NCEH1: variants seen among roughly 807,000 people sequenced by gnomAD.
The protein encoded by NCEH1 is neutral cholesterol ester hydrolase 1, also known as 2-acetyl MAGE hydrolase.
NCEH1 carries 9 observed loss-of-function variants against 25.4 expected under a neutral mutation model. The observed-to-expected ratio is 0.35, with a 90% CI of 0.21 to 0.62. The LOEUF is 0.62. Ranked by LOEUF, NCEH1 falls within the 20% of genes least tolerant of loss-of-function variation. NCEH1 has a pLI of 0.72. For synonymous variants in NCEH1, 200 were observed against 199.8 expected (o/e 1.00, Z -0.01); for missense variants, 412 against 501.1 (o/e 0.82, Z 1.70).
chr3:172,679,851 CATAGTGAA>C (rs1246649970), intron 1 of NCEH1, among the ~76,000 whole-genome samples: 1 of 152,080 alleles, frequency 6.6e-6, no homozygotes, highest in Non-Finnish European at 1.5e-5. Context: ...GTTCAAACAT[CATAGTGAA>C]CCACCTTTGC....
In NCEH1 at chr3:172,671,265, T is replaced by C. The variant is rs561062292; in HGVS notation, c.139-23151A>G. On this transcript the variant is annotated intron_variant, in intron 1 of 4. Transcript: ENST00000475381. ...AGTAGGATTTCGTTAACTCAAAGAA[T>C]TTTATGGAGATGGAAAGATCAGTTG... is the stretch of plus-strand genomic sequence containing the variant. Among the ~76,000 whole-genome samples the C allele has an allele frequency of 2.0e-5, 3 of 152,298 alleles. No individual in the cohort carries two copies. The South Asian group carries it at 6.2e-4, about 32-fold the overall frequency.
Position 172,668,348 on chromosome 3 carries a change from A to ATTTTTTT in NCEH1, c.139-20241_139-20235dup, listed in dbSNP as rs1200625132. Reference sequence around the variant, plus strand: ...TCAGGAAACAAATGGAAAAGGAAGCATTTTTTTTTTTTTTTTTTTTTTTTT... The same window carrying ATTTTTTT: ...TCAGGAAACAAATGGAAAAGGAAGCATTTTTTTTTTTTTTTTTTTTTTTTTTTTTTTT... On this transcript the variant is annotated intron_variant, in intron 1 of 4. Coordinates refer to ENST00000475381, the MANE Select transcript of NCEH1 (RefSeq NM_020792.6). Among the ~76,000 whole-genome samples, 169 of 78,974 alleles carry ATTTTTTT rather than the reference A, an allele frequency of 2.1e-3. 14 individuals are homozygous for ATTTTTTT. Among genetic ancestry groups the ATTTTTTT allele is most frequent in the Middle Eastern group, 0.012 (1 of 82 alleles). The allele number at this position is 78,974 out of a possible 152,430, so 51.8% of individuals were successfully genotyped here.
intron 4 of NCEH1, among the ~76,000 whole-genome samples, chr3:172,634,450 G>A (rs1399725838): frequency 6.6e-6 from 1 of 152,110 alleles, no homozygotes; most frequent in Admixed American, 6.5e-5. Context: ...AAAAGGTCAT[G>A]GCTTCCTAGG....
chr3:172,648,135 TA>T, intron 1 of NCEH1, 21 bp from the exon 2 acceptor site: 1 of 1,613,230 alleles, frequency 6.2e-7, no homozygotes, highest in Middle Eastern at 1.7e-4. Flanking sequence ...AGGGAGGAAA[TA>T]AAGAGGGAGG....
intron 1 of NCEH1, among the ~76,000 whole-genome samples, chr3:172,671,528 C>CACACACACAT (rs145129202): frequency 0.034 from 4,630 of 137,018 alleles, 227 homozygotes; most frequent in African/African-American, 0.11. Flanking sequence ...CACACACACA[C>CACACACACAT]ATATATAGAT....
chr3:172,673,377 T>TAAA (rs1294487664), intron 1 of NCEH1, among the ~76,000 whole-genome samples: 1 of 152,144 alleles, frequency 6.6e-6, no homozygotes, highest in African/African-American at 2.4e-5. Flanking sequence ...AAGAGGTACA[T>TAAA]AAAGCAGGAG....
intron 1 of NCEH1, among the ~76,000 whole-genome samples, chr3:172,672,033 AC>A (rs1186951131): frequency 6.6e-6 from 1 of 152,176 alleles, no homozygotes; most frequent in African/African-American, 2.4e-5. Context: ...TCACTGATTC[AC>A]CCAGAGCAAA....
intron 1 of NCEH1, among the ~76,000 whole-genome samples, chr3:172,664,145 G>A (rs113420073): frequency 6.6e-6 from 1 of 152,160 alleles, no homozygotes; most frequent in Non-Finnish European, 1.5e-5. Flanking sequence ...CTCTTGTAAG[G>A]CAGGCCTACT....
chr3:172,684,836 C>T (rs995451372), intron 1 of NCEH1, among the ~76,000 whole-genome samples: 4 of 152,030 alleles, frequency 2.6e-5, no homozygotes, highest in Admixed American at 2.6e-4. Context: ...CAAAAACTAG[C>T]CAGGCATGGT....
intron 1 of NCEH1, among the ~76,000 whole-genome samples, chr3:172,710,051 A>G (rs1312021781): frequency 6.6e-6 from 1 of 152,226 alleles, no homozygotes; most frequent in Non-Finnish European, 1.5e-5. Flanking sequence ...TGTGTATGGA[A>G]GGAATGAACA....
In NCEH1 at chr3:172,633,452, AGGCTTCTGG is replaced by A; in HGVS notation, c.*14_*22del. 6.3e-7 allele frequency: 1 copy of A among 1,599,380 alleles called. No homozygotes were observed. The highest frequency in any genetic ancestry group is 1.1e-5 in the South Asian group (1 of 88,576). On this transcript the variant is annotated 3_prime_UTR_variant, in exon 5 of 5. Transcript: ENST00000475381. ...GGTGTAGGAGGTCAAGAGGGGCTCGAGGCTTCTGGAAGTTTTGCTCCTTTACAGGTTTTG... is the reference window on the plus strand; with the variant it reads ...GGTGTAGGAGGTCAAGAGGGGCTCGAAAGTTTTGCTCCTTTACAGGTTTTG...
intron 1 of NCEH1, among the ~76,000 whole-genome samples, chr3:172,677,255 G>A (rs1301417235): frequency 6.6e-6 from 1 of 152,158 alleles, no homozygotes; most frequent in Non-Finnish European, 1.5e-5. Context: ...TGCAGGAAGT[G>A]GCAAATTAGA....
At chr3:172,688,966 G>A (rs894901096) in intron 1 of NCEH1, among the ~76,000 whole-genome samples, 12 of 152,224 alleles carry the variant, frequency 7.9e-5, no homozygotes, top group African/African-American at 2.7e-4. Context: ...CTTTGCAAAT[G>A]AGTTGGGAAT....
chr3:172,680,716 G>A (rs889325859), intron 1 of NCEH1: 3 of 152,006 alleles, frequency 2.0e-5, no homozygotes, highest in African/African-American at 7.3e-5. Context: ...TCTCTAACAT[G>A]GCAGACTCAG....
intron 4 of NCEH1, among the ~76,000 whole-genome samples, chr3:172,635,478 T>A (rs1716557591): frequency 6.6e-6 from 1 of 152,228 alleles, no homozygotes; most frequent in South Asian, 2.1e-4. Context: ...ATCGTTTAAT[T>A]TCTTTCTTTT....
rs1289213892 is a variant in NCEH1, at chr3:172,689,721, C to T, written c.138+21126G>A. Among the ~76,000 whole-genome samples the T allele has an allele frequency of 2.7e-5, 4 of 148,814 alleles. No homozygotes were observed. The East Asian group carries it at 8.4e-4, about 31-fold the overall frequency. On this transcript the variant is annotated intron_variant, in intron 1 of 4. Transcript: ENST00000475381. ...CCTGGGTGACAGAGCCAAACTCCAT[C>T]TCAAAATAAAAAAAAAAGCCCCTGT...
At chr3:172,654,312 T>C (rs559889989) in intron 1 of NCEH1, among the ~76,000 whole-genome samples, 10 of 152,312 alleles carry the variant, frequency 6.6e-5, no homozygotes, top group African/African-American at 2.4e-4. Context: ...ATTATACACA[T>C]GACCTCAAAA....
At chr3:172,688,539 T>C (rs1353783913) in intron 1 of NCEH1, among the ~76,000 whole-genome samples, 1 of 152,140 alleles carries the variant, frequency 6.6e-6, no homozygotes, top group Non-Finnish European at 1.5e-5. Context: ...AATGGAAGGA[T>C]TAATTTTTCT....
At chr3:172,696,938 T>G (rs1187333704) in intron 1 of NCEH1, among the ~76,000 whole-genome samples, 1 of 152,140 alleles carries the variant, frequency 6.6e-6, no homozygotes, top group East Asian at 1.9e-4. Context: ...TCTTTTTTCT[T>G]TTTTTGACAG....
Sources: gnomAD v4.1 joint callset for allele counts (sites outside exome capture counted in the v4.1 genomes callset) on GRCh38, gnomAD v4.1.1 for gene constraint, MANE v1.5 for transcripts, NCBI Gene and HGNC (gene_info 2026-07-23, HGNC 2026-07-21) for gene names.